Variants in TNFSF4 observed in about 807,000 individuals in gnomAD.
TNFSF4 encodes the protein tumor necrosis factor ligand superfamily member 4.
In TNFSF4, 4 loss-of-function variants were observed where a neutral mutation model predicts 7.3. The observed-to-expected ratio is 0.55, with a 90% CI of 0.27 to 1.25. TNFSF4 has a LOEUF of 1.25. Ranked by LOEUF, TNFSF4 falls within the 50% of genes most tolerant of loss-of-function variation. TNFSF4 has a pLI of 0.12. For missense variants in TNFSF4, 181 were observed against 208.8 expected (o/e 0.87, Z 0.82); for synonymous variants, 76 against 83.7 (o/e 0.91, Z 0.50).
At chr1:173,405,620 T>A in the TNFSF4 span, among the ~76,000 whole-genome samples, 1 of 152,180 alleles carries the variant, frequency 6.6e-6, no homozygotes, top group South Asian at 2.1e-4. Flanking sequence ...CCAGGTACCT[T>A]TCCATAGTAC....
chr1:173,269,434 C>G, the TNFSF4 span, among the ~76,000 whole-genome samples: 119 of 152,228 alleles, frequency 7.8e-4, 1 homozygote, highest in South Asian at 0.016. Context: ...AGAACTTCCA[C>G]GTTTTCACTT....
the TNFSF4 span, among the ~76,000 whole-genome samples, chr1:173,284,427 A>T: frequency 6.6e-6 from 1 of 152,216 alleles, no homozygotes; most frequent in African/African-American, 2.4e-5. Context: ...AAGCTGCAGC[A>T]AGTTATCCAG....
intron 2 of TNFSF4, among the ~76,000 whole-genome samples, chr1:173,187,235 T>C (rs1557877904): frequency 6.6e-6 from 1 of 152,186 alleles, no homozygotes; most frequent in African/African-American, 2.4e-5. Flanking sequence ...AAAGCACCTA[T>C]AGCAGGACAG....
the TNFSF4 span, chr1:173,363,214 T>G: frequency 3.5e-6 from 1 of 286,522 alleles, no homozygotes; most frequent in East Asian, 1.1e-4. Context: ...AACATGTCTT[T>G]GATTGTATCG....
At chr1:173,194,295 T>C (rs1649605426) in intron 1 of TNFSF4, among the ~76,000 whole-genome samples, 1 of 152,248 alleles carries the variant, frequency 6.6e-6, no homozygotes, top group Admixed American at 6.5e-5. Context: ...GCAGCAGTTA[T>C]TACACTCAAC....
At chr1:173,372,091 C>T in the TNFSF4 span, among the ~76,000 whole-genome samples, 15 of 152,270 alleles carry the variant, frequency 9.9e-5, no homozygotes, top group African/African-American at 3.1e-4. Context: ...GGGTACGAGG[C>T]GTCTAAATTG....
At chr1:173,197,293 T>G (rs1205465317) in intron 1 of TNFSF4, among the ~76,000 whole-genome samples, 2 of 152,210 alleles carry the variant, frequency 1.3e-5, no homozygotes, top group Non-Finnish European at 2.9e-5. Context: ...CCCAAAGATC[T>G]AAAAGCAGAA....
At chr1:173,436,821 A>G in the TNFSF4 span, among the ~76,000 whole-genome samples, 1 of 152,224 alleles carries the variant, frequency 6.6e-6, no homozygotes, top group South Asian at 2.1e-4. Context: ...ATGTCCAGAA[A>G]TGTGTCCCAG....
At chr1:173,376,999 C>G in the TNFSF4 span, among the ~76,000 whole-genome samples, 3 of 152,164 alleles carry the variant, frequency 2.0e-5, no homozygotes, top group African/African-American at 7.2e-5. Flanking sequence ...TTAAGTCAAG[C>G]TAGACCATGA....
At chr1:173,376,070 AC>A in the TNFSF4 span, among the ~76,000 whole-genome samples, 1 of 152,074 alleles carries the variant, frequency 6.6e-6, no homozygotes, top group Non-Finnish European at 1.5e-5. Flanking sequence ...CTTTCCTATG[AC>A]CATGGTTCTC....
chr1:173,394,716 C>A, the TNFSF4 span, among the ~76,000 whole-genome samples: 3 of 152,072 alleles, frequency 2.0e-5, no homozygotes, highest in African/African-American at 7.2e-5. Flanking sequence ...CTATTATTTC[C>A]CCTGCTTCTG....
At chr1:173,436,301 T>A in the TNFSF4 span, among the ~76,000 whole-genome samples, 2 of 152,208 alleles carry the variant, frequency 1.3e-5, no homozygotes, top group East Asian at 1.9e-4. Context: ...TGGAACTTAA[T>A]CTTGCAGAGA....
chr1:173,303,037 G>C, the TNFSF4 span, among the ~76,000 whole-genome samples: 1 of 151,822 alleles, frequency 6.6e-6, no homozygotes, highest in Non-Finnish European at 1.5e-5. Flanking sequence ...ATGAAAAGCG[G>C]CTGGACAGTC....
At chr1:173,343,390 AT>A in the TNFSF4 span, among the ~76,000 whole-genome samples, 1 of 152,196 alleles carries the variant, frequency 6.6e-6, no homozygotes, top group Non-Finnish European at 1.5e-5. Flanking sequence ...CGAAACCATT[AT>A]AAGCAGAGGG....
chr1:173,310,113 T>C, the TNFSF4 span, among the ~76,000 whole-genome samples: 19 of 152,024 alleles, frequency 1.2e-4, no homozygotes, highest in Admixed American at 1.2e-3. Context: ...AAAACATCTT[T>C]TGACTTTGTT....
chr1:173,270,397 G>A, the TNFSF4 span, among the ~76,000 whole-genome samples: 1 of 152,028 alleles, frequency 6.6e-6, no homozygotes, highest in Non-Finnish European at 1.5e-5. Flanking sequence ...AAAGTGAAGA[G>A]GACCCTGGGG....
chr1:173,382,537 C>A, the TNFSF4 span, among the ~76,000 whole-genome samples: 1 of 152,136 alleles, frequency 6.6e-6, no homozygotes, highest in East Asian at 1.9e-4. Flanking sequence ...CAAACCTGCA[C>A]GTTCTGCACG....
the TNFSF4 span, among the ~76,000 whole-genome samples, chr1:173,213,482 A>G: frequency 6.6e-6 from 1 of 152,216 alleles, no homozygotes; most frequent in East Asian, 1.9e-4. Flanking sequence ...TACATTTTAA[A>G]TTGCGTATTT....
At chr1:173,248,214 G>A in the TNFSF4 span, among the ~76,000 whole-genome samples, 1 of 151,948 alleles carries the variant, frequency 6.6e-6, no homozygotes. Context: ...AAAATTAGCT[G>A]GGCCTGGTGG....
Sources: gnomAD v4.1 joint callset for allele counts (sites outside exome capture counted in the v4.1 genomes callset) on GRCh38, gnomAD v4.1.1 for gene constraint, MANE v1.5 for transcripts, NCBI Gene and HGNC (gene_info 2026-07-23, HGNC 2026-07-21) for gene names.